Variants in BRAF observed in about 807,000 individuals in gnomAD.
The protein encoded by BRAF is serine/threonine-protein kinase B-raf.
A neutral mutation model predicts 104.6 loss-of-function variants in BRAF; 16 were observed. The observed-to-expected ratio is 0.15, with a 90% CI of 0.10 to 0.23. The LOEUF (loss-of-function observed/expected upper bound fraction) is 0.23, where lower values mean the gene tolerates loss of function less well. BRAF is among the 10% of genes least tolerant of loss of function. The pLI, the probability that BRAF is intolerant of heterozygous loss-of-function variation, is 1.00. For missense variants in BRAF, 541 were observed against 937.3 expected (o/e 0.58, Z 5.52); for synonymous variants, 310 against 341.6 (o/e 0.91, Z 1.02).
intron 1 of BRAF, among the ~76,000 whole-genome samples, chr7:140,872,283 A>G (rs1399470348): frequency 6.6e-6 from 1 of 152,166 alleles, no homozygotes; most frequent in South Asian, 2.1e-4. Flanking sequence ...GTCTGTTGAA[A>G]TAAACCTAAA....
rs181530397 is a variant in BRAF at position 140,778,258 on chromosome 7, A to G, written c.1553-183T>C. 2.1e-3 allele frequency among the ~76,000 whole-genome samples: 318 copies of G among 152,318 alleles called. 1 individual carries two copies. Among genetic ancestry groups the G allele is most frequent in the African/African-American group, 7.2e-3 (299 of 41,576 alleles). On this transcript the variant is annotated intron_variant, in intron 12 of 19. Transcript: ENST00000644969. Reference sequence around the variant, plus strand: ...TCTAAGGCTAAAAATTCAACTAACAATGATATTCCTGTACTAGTATTTCAA... The same window carrying G: ...TCTAAGGCTAAAAATTCAACTAACAGTGATATTCCTGTACTAGTATTTCAA...
At chr7:140,909,646 G>C (rs1816745395) in intron 1 of BRAF, among the ~76,000 whole-genome samples, 1 of 152,080 alleles carries the variant, frequency 6.6e-6, no homozygotes, top group Admixed American at 6.6e-5. Context: ...AAGGGGTGGA[G>C]TACTCCTGAT....
chr7:140,896,694 C>T (rs186106928), intron 1 of BRAF, among the ~76,000 whole-genome samples: 2 of 152,008 alleles, frequency 1.3e-5, no homozygotes, highest in Admixed American at 1.3e-4. Context: ...GGTGAAACTC[C>T]GTCTCTACTG....
At chr7:140,804,259 C>T (rs1184034017) in intron 5 of BRAF, among the ~76,000 whole-genome samples, 5 of 151,938 alleles carry the variant, frequency 3.3e-5, no homozygotes, top group African/African-American at 1.2e-4. Context: ...GGCCGGAGTG[C>T]AGTGGCACGA....
chr7:140,781,413 C>A, intron 12 of BRAF, 163 bp downstream of exon 11: 1 of 711,584 alleles, frequency 1.4e-6, no homozygotes, highest in Non-Finnish European at 2.4e-6. Flanking sequence ...TTTTTATTTC[C>A]CATAATTTTT....
chr7:140,837,941 A>C (rs1481880488), intron 2 of BRAF, among the ~76,000 whole-genome samples: 1 of 152,160 alleles, frequency 6.6e-6, no homozygotes, highest in Non-Finnish European at 1.5e-5. Context: ...TTGGGTGTTT[A>C]GGGCCTTAGT....
intron 13 of BRAF, 28 bp from the exon 13 acceptor site, chr7:140,777,116 T>C (rs367578527): frequency 1.2e-6 from 2 of 1,608,684 alleles, no homozygotes; most frequent in East Asian, 2.2e-5. Flanking sequence ...ACAGTAAACA[T>C]TAAATGTCGA....
intron 1 of BRAF, among the ~76,000 whole-genome samples, chr7:140,919,681 A>G (rs948548284): frequency 6.6e-6 from 1 of 152,186 alleles, no homozygotes; most frequent in African/African-American, 2.4e-5. Context: ...AAATGGAACA[A>G]ATGAGGCTAT....
At chr7:140,812,160 C>CTGTGTGTGTGTG (rs201757515) in intron 3 of BRAF, among the ~76,000 whole-genome samples, 1,726 of 140,592 alleles carry the variant, frequency 0.012, 8 homozygotes, top group Middle Eastern at 0.029. Flanking sequence ...GCATGCACAC[C>CTGTGTGTGTGTG]TGTGTGTGTG....
chr7:140,838,755 A>G (rs1245939008), intron 2 of BRAF, among the ~76,000 whole-genome samples: 1 of 152,250 alleles, frequency 6.6e-6, no homozygotes, highest in Non-Finnish European at 1.5e-5. Context: ...TAATTTTGGA[A>G]TAAGAACACA....
At chr7:140,748,729 T>G (rs1278954739) in intron 17 of BRAF, among the ~76,000 whole-genome samples, 3 of 152,156 alleles carry the variant, frequency 2.0e-5, no homozygotes, top group African/African-American at 7.2e-5. Flanking sequence ...CATGAGGCTA[T>G]GTTAGTACCT....
At chr7:140,778,124 A>G in intron 12 of BRAF, 49 bp from the exon 12 acceptor site, 1 of 1,564,984 alleles carries the variant, frequency 6.4e-7, no homozygotes, top group Non-Finnish European at 8.8e-7. Context: ...TTAAAATTTA[A>G]AAGTATAAAA....
In BRAF at chr7:140,722,937, TATA is replaced by T; in HGVS notation, c.*3554_*3556del. 4 of 1,055,326 alleles carry T rather than the reference TATA, an allele frequency of 3.8e-6. No homozygotes were observed. The highest frequency in any genetic ancestry group is 4.6e-6 in the Non-Finnish European group (4 of 873,124). 65.4% of individuals were successfully genotyped at this position (1,055,326 alleles called of 1,614,324 possible). A position where few individuals can be genotyped will look rare whatever the true frequency, so the allele number is the denominator to read the frequency against. On this transcript the variant is annotated 3_prime_UTR_variant, in exon 20 of 20. Coordinates refer to ENST00000644969, the MANE Select transcript of BRAF (RefSeq NM_001374258.1). ...TTTTTACAGTATTACTGCTTAAATG[TATA>T]ATGCCCTTTAGGACAAAATGAGAGT...
At chr7:140,907,107 T>C (rs908811118) in intron 1 of BRAF, among the ~76,000 whole-genome samples, 6 of 152,268 alleles carry the variant, frequency 3.9e-5, no homozygotes, top group Non-Finnish European at 8.8e-5. Flanking sequence ...TTTTCTTTTT[T>C]ATTCTGTGCT....
chr7:140,797,760 G>T (rs973761428), intron 7 of BRAF, among the ~76,000 whole-genome samples: 1 of 152,122 alleles, frequency 6.6e-6, no homozygotes, highest in East Asian at 1.9e-4. Context: ...ACTGCTCACA[G>T]AACTGGGACC....
At chr7:140,805,004 A>G (rs1242963518) in intron 5 of BRAF, among the ~76,000 whole-genome samples, 1 of 151,768 alleles carries the variant, frequency 6.6e-6, no homozygotes, top group African/African-American at 2.4e-5. Context: ...AGGTTTTGTC[A>G]TGTTACCCAG....
chr7:140,910,021 CT>C (rs1281209989), intron 1 of BRAF, among the ~76,000 whole-genome samples: 1 of 152,094 alleles, frequency 6.6e-6, no homozygotes, highest in Admixed American at 6.6e-5. Context: ...GCTGACTTCC[CT>C]GATCCTTTCT....
intron 17 of BRAF, among the ~76,000 whole-genome samples, chr7:140,743,864 T>C (rs1221995740): frequency 6.6e-6 from 1 of 152,234 alleles, no homozygotes; most frequent in Non-Finnish European, 1.5e-5. Context: ...ACGAGTCTGT[T>C]GGTTTCCAAT....
In BRAF at chr7:140,914,005, A is replaced by T. The variant is rs561630628; in HGVS notation, c.138+10561T>A. ...CTGAAACAGTTCTAGGACAATCATCAGTCAGTCCCACATTAAGAACTGCCA... is the reference window on the plus strand; with the variant it reads ...CTGAAACAGTTCTAGGACAATCATCTGTCAGTCCCACATTAAGAACTGCCA... On this transcript the variant is annotated intron_variant, in intron 1 of 19. Coordinates refer to ENST00000644969, the MANE Select transcript of BRAF (RefSeq NM_001374258.1). Among the ~76,000 whole-genome samples the T allele has an allele frequency of 5.9e-5, 9 of 152,370 alleles. No homozygotes were observed. In the South Asian group the frequency reaches 1.0e-3, roughly 18 times the overall value.
Sources: gnomAD v4.1 joint callset for allele counts (sites outside exome capture counted in the v4.1 genomes callset) on GRCh38, gnomAD v4.1.1 for gene constraint, MANE v1.5 for transcripts, NCBI Gene and HGNC (gene_info 2026-07-23, HGNC 2026-07-21) for gene names.